VTI1A: variants seen among roughly 807,000 people sequenced by gnomAD.
VTI1A encodes the protein vesicle transport through interaction with t-SNAREs 1A.
In VTI1A, 22 loss-of-function variants were observed where a neutral mutation model predicts 34.9. That is an observed-to-expected ratio of 0.63 (90% confidence interval 0.45 to 0.90). The LOEUF is 0.90. Among genes scored for constraint, VTI1A ranks in the 40% least tolerant of loss-of-function variants. The pLI, the probability that VTI1A is intolerant of heterozygous loss-of-function variation, is 0.00. For synonymous variants in VTI1A, 87 were observed against 97.3 expected, an observed-to-expected ratio of 0.89 and a Z score of 0.62; for missense variants, 268 against 275.6, an observed-to-expected ratio of 0.97 and a Z score of 0.20.
Position 112,532,918 on chromosome 10 carries a change from A to G in VTI1A, c.343-5328A>G, listed in dbSNP as rs749403909. Among the ~76,000 whole-genome samples the G allele has an allele frequency of 1.4e-4, 21 of 152,264 alleles. No homozygotes were observed. The East Asian group carries it at 2.7e-3, about 20-fold the overall frequency. ...CATATGATCGTGAATTTTTGATACT[A>G]TGATCTAAATAAGTATTATCTCTCC... On this transcript the variant is annotated intron_variant, in intron 4 of 7. Coordinates refer to ENST00000393077, the MANE Select transcript of VTI1A (RefSeq NM_145206.4).
At chr10:112,828,328 G>A in the VTI1A span, among the ~76,000 whole-genome samples, 1 of 152,054 alleles carries the variant, frequency 6.6e-6, no homozygotes, top group Non-Finnish European at 1.5e-5. Flanking sequence ...ACGGTATGTG[G>A]AAGAACACCT....
In VTI1A at chr10:112,605,974, A is replaced by G. The variant is rs150281684; in HGVS notation, c.428-62244A>G. Among the ~76,000 whole-genome samples, 7 of 152,198 alleles carry G rather than the reference A, an allele frequency of 4.6e-5. No individual in the cohort carries two copies. In the East Asian group the frequency reaches 1.4e-3, roughly 29 times the overall value. Reference sequence around the variant, plus strand: ...CAAACAAAACTCTTCAAACAAAACAAGACCACATGTAGTCTTTAGGCCATT... The same window carrying G: ...CAAACAAAACTCTTCAAACAAAACAGGACCACATGTAGTCTTTAGGCCATT... On this transcript the variant is annotated intron_variant, in intron 5 of 7. Transcript: ENST00000393077.
Position 112,817,312 on chromosome 10 carries a change from A to C in VTI1A, c.*1929A>C. On this transcript the variant is annotated 3_prime_UTR_variant, in exon 8 of 8. Transcript: ENST00000393077. ...AATGCAGCAGACTCTTCCCAAGGCC[A>C]CCTAGCAAGCAAGGTTGATCGGATC... 2 of 232,584 alleles carry C rather than the reference A, an allele frequency of 8.6e-6. No homozygotes were observed. Among genetic ancestry groups the C allele is most frequent in the Non-Finnish European group, 1.7e-5 (2 of 117,586 alleles). The allele number at this position is 232,584 out of a possible 1,614,324, so 14.4% of individuals were successfully genotyped here.
chr10:112,557,793 C>G (rs1319076255), intron 5 of VTI1A, among the ~76,000 whole-genome samples: 1 of 152,050 alleles, frequency 6.6e-6, no homozygotes, highest in African/African-American at 2.4e-5. Flanking sequence ...ATCAAAATGC[C>G]CACTGTGTAT....
At chr10:112,545,949 T>G (rs761623854) in intron 5 of VTI1A, among the ~76,000 whole-genome samples, 1 of 151,858 alleles carries the variant, frequency 6.6e-6, no homozygotes. Context: ...TGCATGTATA[T>G]GTGTGTGTGT....
In VTI1A at chr10:112,447,238, T is replaced by G. The variant is rs1846865947; in HGVS notation, c.-136T>G. The stretch of plus-strand genomic sequence containing the variant: ...ACGAACAACCAGGAAGCGGCTGGGT[T>G]GAGAGCTGTCCCCGGTTCTCCGTTC... On this transcript the variant is annotated 5_prime_UTR_variant, in exon 1 of 8. Transcript: ENST00000393077. The G allele has an allele frequency of 1.1e-6, 1 of 875,144 alleles. No homozygotes were observed. The highest frequency in any genetic ancestry group is 1.7e-5 in the South Asian group (1 of 59,316). 54.2% of individuals were successfully genotyped at this position (875,144 alleles called of 1,614,324 possible). A position where few individuals can be genotyped will look rare whatever the true frequency, so the allele number is the denominator to read the frequency against.
At chr10:112,736,385 ACT>A (rs1382281870) in intron 7 of VTI1A, among the ~76,000 whole-genome samples, 2 of 151,780 alleles carry the variant, frequency 1.3e-5, no homozygotes, top group Admixed American at 6.6e-5. Flanking sequence ...CTCTAGAACT[ACT>A]CTCTCTAACC....
chr10:112,655,211 C>G (rs1847187713), intron 5 of VTI1A, among the ~76,000 whole-genome samples: 1 of 152,118 alleles, frequency 6.6e-6, no homozygotes, highest in Non-Finnish European at 1.5e-5. Context: ...ACAATCTGGC[C>G]CTTTCATTTA....
At chr10:112,675,546 T>A (rs1322635987) in intron 7 of VTI1A, among the ~76,000 whole-genome samples, 2 of 152,206 alleles carry the variant, frequency 1.3e-5, no homozygotes, top group African/African-American at 4.8e-5. Flanking sequence ...GTGAGTGTGT[T>A]CTTAAGGAGT....
chr10:112,706,396 A>G (rs1370790996), intron 7 of VTI1A, among the ~76,000 whole-genome samples: 2 of 152,192 alleles, frequency 1.3e-5, no homozygotes, highest in Non-Finnish European at 2.9e-5. Flanking sequence ...CAGTGGTTAC[A>G]TGGGGTTAAG....
At chr10:112,790,558 A>G (rs1198000662) in intron 7 of VTI1A, among the ~76,000 whole-genome samples, 1 of 152,098 alleles carries the variant, frequency 6.6e-6, no homozygotes, top group Non-Finnish European at 1.5e-5. Flanking sequence ...TTTTATTGAC[A>G]ATGCTGCTAG....
At chr10:112,745,421 G>A (rs528702956) in intron 7 of VTI1A, among the ~76,000 whole-genome samples, 1 of 151,320 alleles carries the variant, frequency 6.6e-6, no homozygotes, top group Admixed American at 6.6e-5. Flanking sequence ...TTTTGTTTTT[G>A]TGCCACCCAC....
intron 5 of VTI1A, among the ~76,000 whole-genome samples, chr10:112,583,074 T>TCTATATCTTATA (rs1844011584): frequency 6.6e-6 from 1 of 152,168 alleles, no homozygotes; most frequent in Non-Finnish European, 1.5e-5. Flanking sequence ...CTTATATGCA[T>TCTATATCTTATA]GTGGGCATCT....
At chr10:112,834,163 G>A in the VTI1A span, among the ~76,000 whole-genome samples, 1,385 of 152,282 alleles carry the variant, frequency 9.1e-3, 17 homozygotes, top group African/African-American at 0.032. Context: ...GGACAGCAGT[G>A]AGTGCTCAGT....
At chr10:112,589,016 GTCT>G (rs1227547131) in intron 5 of VTI1A, among the ~76,000 whole-genome samples, 1 of 85,272 alleles carries the variant, frequency 1.2e-5, no homozygotes, top group African/African-American at 5.2e-5. Flanking sequence ...TTGACTCCTT[GTCT>G]TTTTTTTTTT....
intron 5 of VTI1A, among the ~76,000 whole-genome samples, chr10:112,579,202 G>T (rs576654468): frequency 1.3e-5 from 2 of 152,280 alleles, no homozygotes; most frequent in South Asian, 4.2e-4. Flanking sequence ...AGAAGAGGTG[G>T]ACACTTATGT....
At chr10:112,788,463 G>A (rs962941446) in intron 7 of VTI1A, among the ~76,000 whole-genome samples, 2 of 152,064 alleles carry the variant, frequency 1.3e-5, no homozygotes, top group African/African-American at 4.8e-5. Context: ...AGACACTCTA[G>A]CTCCTTATAG....
At chr10:112,621,521 T>G (rs1038926735) in intron 5 of VTI1A, among the ~76,000 whole-genome samples, 12 of 152,122 alleles carry the variant, frequency 7.9e-5, no homozygotes, top group African/African-American at 1.4e-4. Flanking sequence ...AATGAGAACT[T>G]AAGGTTAAGT....
chr10:112,480,771 T>G (rs1290161730), intron 3 of VTI1A, among the ~76,000 whole-genome samples: 1 of 152,144 alleles, frequency 6.6e-6, no homozygotes, highest in Admixed American at 6.5e-5. Flanking sequence ...GGCTAGAGAC[T>G]TGATTCTTAT....
Sources: gnomAD v4.1 joint callset for allele counts (sites outside exome capture counted in the v4.1 genomes callset) on GRCh38, gnomAD v4.1.1 for gene constraint, MANE v1.5 for transcripts, NCBI Gene and HGNC (gene_info 2026-07-23, HGNC 2026-07-21) for gene names.